The following NOSTRIN variants were observed in gnomAD, a reference collection of about 807,000 sequenced individuals.
The protein encoded by NOSTRIN is nitric oxide synthase trafficking.
In NOSTRIN, 63 loss-of-function variants were observed where a neutral mutation model predicts 59.0. The ratio of observed to expected loss-of-function variants is 1.07; its 90% CI spans 0.87 to 1.32. The LOEUF (loss-of-function observed/expected upper bound fraction) is 1.32. NOSTRIN is among the 40% of genes most tolerant of loss of function. The pLI, the probability that NOSTRIN is intolerant of heterozygous loss-of-function variation, is 0.00. For missense variants in NOSTRIN, 512 were observed against 473.1 expected (o/e 1.08, Z -0.76); for synonymous variants, 200 against 165.4 (o/e 1.21, Z -1.61).
intron 3 of NOSTRIN, among the ~76,000 whole-genome samples, chr2:168,827,710 G>A (rs1233042156): frequency 6.6e-6 from 1 of 151,832 alleles, no homozygotes; most frequent in Non-Finnish European, 1.5e-5. Context: ...TAGGACTATG[G>A]GCGTGCATCA....
At chr2:168,845,874 T>C (rs1008713156) in intron 8 of NOSTRIN, among the ~76,000 whole-genome samples, 2 of 151,358 alleles carry the variant, frequency 1.3e-5, no homozygotes, top group African/African-American at 4.9e-5. Context: ...ATTTTCTTTC[T>C]CCCCTCTTGT....
At chr2:168,828,603 A>C (rs1461073737) in intron 5 of NOSTRIN, 102 bp downstream of exon 5, 1 of 498,590 alleles carries the variant, frequency 2.0e-6, no homozygotes, top group African/African-American at 2.0e-5. Flanking sequence ...AGTTTCAGGA[A>C]TTTATCCTAA....
chr2:168,837,298 A>ATTTTTT (rs1267903005), intron 7 of NOSTRIN, among the ~76,000 whole-genome samples: 4 of 84,552 alleles, frequency 4.7e-5, no homozygotes, highest in Admixed American at 1.2e-4. Context: ...CTTTTTTAAC[A>ATTTTTT]TCTTTTTTTT....
intron 2 of NOSTRIN, among the ~76,000 whole-genome samples, chr2:168,814,801 C>T (rs60870015): frequency 6.6e-6 from 1 of 152,196 alleles, no homozygotes; most frequent in African/African-American, 2.4e-5. Flanking sequence ...TGCAGTGGCT[C>T]ATGCCTGTAA....
chr2:168,830,902 T>A (rs1687323795), intron 5 of NOSTRIN, among the ~76,000 whole-genome samples: 1 of 152,230 alleles, frequency 6.6e-6, no homozygotes, highest in Admixed American at 6.5e-5. Flanking sequence ...TGATTGCACA[T>A]GTTTACATGC....
chr2:168,798,633 C>T (rs569794077), upstream of NOSTRIN, among the ~76,000 whole-genome samples: 1 of 152,148 alleles, frequency 6.6e-6, no homozygotes, highest in Non-Finnish European at 1.5e-5. Flanking sequence ...AGAGGTCAGA[C>T]AGTAAATCTA....
chr2:168,842,762 A>T (rs1340537137), intron 7 of NOSTRIN, among the ~76,000 whole-genome samples: 1 of 152,150 alleles, frequency 6.6e-6, no homozygotes, highest in Non-Finnish European at 1.5e-5. Flanking sequence ...CAATCTCCTC[A>T]TGTGTAAAAT....
chr2:168,863,600 ATT>A, intron 15 of NOSTRIN: 1 of 985,282 alleles, frequency 1.0e-6, no homozygotes, highest in South Asian at 4.7e-5. Flanking sequence ...TTGATGTTGT[ATT>A]AAAGTTGTCT....
chr2:168,814,314 G>T (rs1686292256), intron 2 of NOSTRIN, among the ~76,000 whole-genome samples: 1 of 152,172 alleles, frequency 6.6e-6, no homozygotes, highest in African/African-American at 2.4e-5. Context: ...AAGGATGGAT[G>T]GTCACAGCAT....
At chr2:168,813,039 A>G (rs1295198933) in intron 2 of NOSTRIN, among the ~76,000 whole-genome samples, 2 of 152,234 alleles carry the variant, frequency 1.3e-5, no homozygotes, top group African/African-American at 4.8e-5. Flanking sequence ...AGTAACTTCT[A>G]TCCTAACAGC....
chr2:168,824,830 G>A, intron 3 of NOSTRIN, 113 bp downstream of exon 3: 2 of 644,312 alleles, frequency 3.1e-6, no homozygotes, highest in East Asian at 3.2e-5. Context: ...GGGTTAGAGT[G>A]CAGTGGCACA....
chr2:168,855,598 GT>G, intron 11 of NOSTRIN, 138 bp downstream of exon 11: 1 of 149,576 alleles, frequency 6.7e-6, no homozygotes, highest in South Asian at 1.2e-4. Context: ...AACTTCAGTT[GT>G]GTGAACAAAA....
rs1689142266 is a variant in NOSTRIN, at chr2:168,856,680, T to A, written c.965-10T>A. 3 of 1,613,692 alleles carry A rather than the reference T, an allele frequency of 1.9e-6. No individual in the cohort carries two copies. The highest frequency in any genetic ancestry group is 2.5e-6 in the Non-Finnish European group (3 of 1,179,628). ...GTGAAAGGTGACTGAGAACATGATT[T>A]CATTTTCAGGCCTGGAACGAATGCT... On this transcript the variant is annotated splice_polypyrimidine_tract_variant and intron_variant, in intron 11 of 15. Transcript: ENST00000317647.
At chr2:168,824,866 C>A (rs1686970381) in intron 3 of NOSTRIN, 149 bp downstream of exon 3, 1 of 601,024 alleles carries the variant, frequency 1.7e-6, no homozygotes. Flanking sequence ...ACCCTCAATC[C>A]CCCAGGCTCA....
chr2:168,819,542 G>A (rs1200950526), intron 2 of NOSTRIN, among the ~76,000 whole-genome samples: 5 of 152,174 alleles, frequency 3.3e-5, no homozygotes, highest in African/African-American at 9.7e-5. Flanking sequence ...GCCGTTCAGC[G>A]CTAGAGGCCT....
chr2:168,846,553 T>G (rs1002592680), intron 8 of NOSTRIN, among the ~76,000 whole-genome samples: 3 of 152,210 alleles, frequency 2.0e-5, no homozygotes, highest in African/African-American at 7.2e-5. Flanking sequence ...AAAATTAGTC[T>G]TATTACTTCA....
chr2:168,819,898 A>G (rs1574275315), intron 2 of NOSTRIN, among the ~76,000 whole-genome samples: 1 of 152,112 alleles, frequency 6.6e-6, no homozygotes, highest in South Asian at 2.1e-4. Context: ...CAGACCCTCA[A>G]CATCCCCACT....
At chr2:168,846,744 G>C (rs1239571815) in intron 8 of NOSTRIN, among the ~76,000 whole-genome samples, 1 of 152,160 alleles carries the variant, frequency 6.6e-6, no homozygotes, top group East Asian at 1.9e-4. Flanking sequence ...TATGTGTCAA[G>C]AGCCTTAAAA....
At chr2:168,862,910 T>C (rs1369074658) in intron 15 of NOSTRIN, among the ~76,000 whole-genome samples, 3 of 152,182 alleles carry the variant, frequency 2.0e-5, no homozygotes, top group African/African-American at 7.2e-5. Flanking sequence ...AAAATCAAGA[T>C]ACATTTTGTA....
Sources: gnomAD v4.1 joint callset for allele counts (sites outside exome capture counted in the v4.1 genomes callset) on GRCh38, gnomAD v4.1.1 for gene constraint, MANE v1.5 for transcripts, NCBI Gene and HGNC (gene_info 2026-07-23, HGNC 2026-07-21) for gene names.